ZMYND12: variants seen among roughly 807,000 people sequenced by gnomAD.
ZMYND12 encodes zinc finger MYND domain-containing protein 12.
In ZMYND12, 32 loss-of-function variants were observed where a neutral mutation model predicts 41.7. The observed-to-expected ratio is 0.77, with a 90% CI of 0.58 to 1.03. The LOEUF is 1.03. Among genes scored for constraint, ZMYND12 ranks in the 50% least tolerant of loss-of-function variants. The pLI, the probability that ZMYND12 is intolerant of heterozygous loss-of-function variation, is 0.00. For synonymous variants in ZMYND12, 148 were observed against 164.8 expected, an observed-to-expected ratio of 0.90 and a Z score of 0.78; for missense variants, 424 against 438.5, an observed-to-expected ratio of 0.97 and a Z score of 0.30.
rs766788095 is a variant in ZMYND12, at chr1:42,433,224, T to C, written c.894A>G (p.Thr298=). The change falls in exon 7 of 8, where the codon ACA becomes ACG. Residue 298 remains threonine, a synonymous_variant. Transcript: ENST00000372565. ...TGGTTTTTTGGGGGGCTTTGTCAGA[T>C]GTAGATTCTCGAATGTTCAAGATTG... ...LTSILNIRES[T]SDKAPQKTIF... 4 of 1,613,000 alleles carry C rather than the reference T, an allele frequency of 2.5e-6. No homozygotes were observed. In the Admixed American group the frequency reaches 6.7e-5, roughly 27 times the overall value.
rs56897340 is a variant in ZMYND12, at chr1:42,440,187, T to TAA, written c.425-164_425-163dup. 7.0e-4 allele frequency among the ~76,000 whole-genome samples: 94 copies of TAA among 133,582 alleles called. 1 individual carries two copies. The highest frequency in any genetic ancestry group is 1.9e-3 in the East Asian group (9 of 4,692). 87.6% of individuals were successfully genotyped at this position (133,582 alleles called of 152,430 possible). On this transcript the variant is annotated intron_variant, in intron 3 of 7. Transcript: ENST00000372565. ...GTTCACAGCAGCCTATTTGGAAGAG[T>TAA]AAAAAAAAAAAAAACAGAAACAATG...
chr1:42,455,986 G>A lies in ZMYND12; in HGVS notation c.12C>T (p.Ile4=). The A allele has an allele frequency of 6.2e-7, 1 of 1,612,506 alleles. No individual in the cohort carries two copies. The change falls in exon 1 of 8, where the codon ATC becomes ATT. Residue 4 remains isoleucine, a synonymous_variant. Transcript: ENST00000372565. MNV[I]YPLAVPKGRR... is the part of the protein sequence containing the mutation. ...GCCCCTTGGGGACTGCCAGTGGGTA[G>A]ATCACATTCATGGTGCAGCCAGCAG...
chr1:42,446,020 G>C (rs939861753), intron 3 of ZMYND12, among the ~76,000 whole-genome samples: 3 of 152,130 alleles, frequency 2.0e-5, no homozygotes, highest in Non-Finnish European at 4.4e-5. Flanking sequence ...TGTCAGACCT[G>C]GGCAGGGTGA....
chr1:42,441,274 G>A (rs1642965350), intron 3 of ZMYND12, among the ~76,000 whole-genome samples: 1 of 152,058 alleles, frequency 6.6e-6, no homozygotes, highest in South Asian at 2.1e-4. Context: ...GGCAGGGAGA[G>A]CATCCCAGGC....
At chr1:42,441,650 TTG>T (rs1557768458) in intron 3 of ZMYND12, among the ~76,000 whole-genome samples, 1 of 152,006 alleles carries the variant, frequency 6.6e-6, no homozygotes. Context: ...AGACGGAGTC[TTG>T]CTCTGTCGCC....
At chr1:42,435,898 G>A (rs1300024681) in intron 5 of ZMYND12, among the ~76,000 whole-genome samples, 1 of 152,172 alleles carries the variant, frequency 6.6e-6, no homozygotes. Context: ...CAGAAAGCCT[G>A]TATTACACAT....
intron 3 of ZMYND12, among the ~76,000 whole-genome samples, chr1:42,444,421 C>A (rs7417606): frequency 0.041 from 6,206 of 152,162 alleles, 423 homozygotes; most frequent in African/African-American, 0.14. Context: ...CTTCCAGAAA[C>A]GTTAGCAAGG....
intron 6 of ZMYND12, 113 bp from the exon 7 acceptor site, chr1:42,433,401 T>C: frequency 7.9e-7 from 1 of 1,263,252 alleles, no homozygotes; most frequent in Middle Eastern, 2.1e-4. Flanking sequence ...CCAAGGGCAC[T>C]GGTGGAAATA....
chr1:42,445,576 GA>G (rs1643015541), intron 3 of ZMYND12, among the ~76,000 whole-genome samples: 1 of 152,062 alleles, frequency 6.6e-6, no homozygotes, highest in East Asian at 1.9e-4. Flanking sequence ...GAAGCAGAGA[GA>G]GTGGCTACAG....
chr1:42,454,641 G>A (rs1453122696), intron 1 of ZMYND12, among the ~76,000 whole-genome samples: 1 of 151,644 alleles, frequency 6.6e-6, no homozygotes, highest in African/African-American at 2.4e-5. Flanking sequence ...TCATGTCACT[G>A]TCTAGCCCTA....
chr1:42,449,661 G>A (rs948846745), intron 2 of ZMYND12, among the ~76,000 whole-genome samples: 19 of 152,318 alleles, frequency 1.2e-4, no homozygotes, highest in African/African-American at 4.3e-4. Flanking sequence ...CCAGAGCTGT[G>A]AGGAAATAAA....
rs542750119 is a variant in ZMYND12, at chr1:42,450,000, A to G, written c.170T>C (p.Leu57Ser). 7.4e-5 allele frequency: 120 copies of G among 1,614,016 alleles called. 1 individual carries two copies. The South Asian group carries it at 1.3e-3, about 17-fold the overall frequency. ...GGGCATGGAAGTGCGCAGTGGAATC[A>G]AGAGCTGACATATTTTCTCATGGAT... Reference protein sequence around the residue: ...DSIHEKICQLLIPLRTSMPFY... With the variant: ...DSIHEKICQLSIPLRTSMPFY... The change falls in exon 2 of 8, where the codon TTG becomes TCG. Residue 57 changes from leucine (L) to serine (S), a missense_variant. Transcript: ENST00000372565.
intron 6 of ZMYND12, 30 bp downstream of exon 6, chr1:42,435,244 G>A (rs1259372272): frequency 6.6e-7 from 1 of 1,524,488 alleles, no homozygotes; most frequent in East Asian, 2.3e-5. Context: ...TGAAGTCACT[G>A]CTCTCCCTTC....
intron 1 of ZMYND12, among the ~76,000 whole-genome samples, chr1:42,451,697 G>A (rs757632040): frequency 6.6e-6 from 1 of 152,162 alleles, no homozygotes; most frequent in Admixed American, 6.5e-5. Flanking sequence ...CCAAAGAAAT[G>A]ACAGAAACCA....
chr1:42,451,350 T>C (rs1010569628), intron 1 of ZMYND12, among the ~76,000 whole-genome samples: 4 of 152,230 alleles, frequency 2.6e-5, no homozygotes, highest in African/African-American at 9.6e-5. Context: ...GGCTCTGTTG[T>C]TAGATGCATA....
At chr1:42,445,431 TAAAA>T (rs573648674) in intron 3 of ZMYND12, among the ~76,000 whole-genome samples, 1 of 106,696 alleles carries the variant, frequency 9.4e-6, no homozygotes. Context: ...GGACTCCGTC[TAAAA>T]AAAAAAAAAA....
intron 3 of ZMYND12, among the ~76,000 whole-genome samples, chr1:42,441,678 T>C (rs1642970745): frequency 6.6e-6 from 1 of 152,152 alleles, no homozygotes; most frequent in South Asian, 2.1e-4. Flanking sequence ...TGGAGTGCAG[T>C]GGCGGGATCT....
rs1393229518 is a variant in ZMYND12, at chr1:42,435,365, T to C, written c.738A>G (p.Ala246=). The stretch of plus-strand genomic sequence containing the variant: ...GGACTTGATAGTGATTGTTCAAATA[T>C]GCATGCCAGATCTCAGAGACCTGTT... ...LYTKVSEIWH[A]YLNNHYQVLS... The change falls in exon 6 of 8, where the codon GCA becomes GCG. Residue 246 remains alanine (A), a synonymous_variant. Coordinates refer to ENST00000372565, the MANE Select transcript of ZMYND12 (RefSeq NM_032257.5). The C allele has an allele frequency of 6.2e-7, 1 of 1,613,788 alleles. No homozygotes were observed. Among genetic ancestry groups the C allele is most frequent in the Non-Finnish European group, 8.5e-7 (1 of 1,179,714 alleles).
chr1:42,439,366 G>A (rs4660635), intron 4 of ZMYND12, among the ~76,000 whole-genome samples: 59,732 of 151,606 alleles, frequency 0.39, 12,316 homozygotes, highest in East Asian at 0.63. Flanking sequence ...CCCGGGTTCA[G>A]GTGATTCCCC....
Sources: allele counts gnomAD v4.1 joint callset (sites outside exome capture counted in the v4.1 genomes callset), GRCh38; gene constraint gnomAD v4.1.1; transcripts MANE v1.5; gene names NCBI Gene and HGNC (gene_info 2026-07-23, HGNC 2026-07-21).